MTUS1: variants seen among roughly 807,000 people sequenced by gnomAD.
MTUS1 encodes the protein microtubule associated scaffold protein 1.
Under a neutral mutation model 120.8 loss-of-function variants are expected in MTUS1, and 109 were observed. The ratio of observed to expected loss-of-function variants is 0.90; its 90% CI spans 0.77 to 1.06. The LOEUF (loss-of-function observed/expected upper bound fraction) is 1.06, where lower values mean the gene tolerates loss of function less well. Ranked by LOEUF, MTUS1 falls within the 50% of genes least tolerant of loss-of-function variation. MTUS1 has a pLI of 0.00. For synonymous variants in MTUS1, 737 were observed against 550.5 expected (o/e 1.34, Z -4.74); for missense variants, 2,210 against 1,486.3 (o/e 1.49, Z -8.01).
At chr8:17,664,565 G>A (rs1307806315) in intron 8 of MTUS1, among the ~76,000 whole-genome samples, 1 of 150,290 alleles carries the variant, frequency 6.7e-6, no homozygotes, top group Non-Finnish European at 1.5e-5. Context: ...CTGGGAAACC[G>A]GCCTCCTCCT....
chr8:17,656,464 G>C (rs552096305), intron 8 of MTUS1, among the ~76,000 whole-genome samples: 37 of 151,060 alleles, frequency 2.4e-4, no homozygotes, highest in Non-Finnish European at 4.1e-4. Flanking sequence ...GGAGGCGGAG[G>C]TTGTAGTGAG....
intron 6 of MTUS1, among the ~76,000 whole-genome samples, chr8:17,692,386 A>C (rs145361916): frequency 2.0e-4 from 30 of 152,054 alleles, no homozygotes; most frequent in African/African-American, 7.2e-4. Context: ...AATCATGAGG[A>C]CACGGCTAAG....
chr8:17,662,758 G>A (rs1482135159), intron 8 of MTUS1, among the ~76,000 whole-genome samples: 3 of 151,032 alleles, frequency 2.0e-5, no homozygotes, highest in South Asian at 4.2e-4. Context: ...GGCAACTTTT[G>A]TATACATGTT....
At chr8:17,788,814 C>T (rs1389348164) in intron 1 of MTUS1, among the ~76,000 whole-genome samples, 1 of 152,100 alleles carries the variant, frequency 6.6e-6, no homozygotes. Flanking sequence ...CAGAAAGTAA[C>T]CTTTGTCATG....
At chr8:17,669,863 A>G (rs1037675396) in intron 8 of MTUS1, among the ~76,000 whole-genome samples, 1 of 152,158 alleles carries the variant, frequency 6.6e-6, no homozygotes, top group Non-Finnish European at 1.5e-5. Flanking sequence ...AAAAAAAACA[A>G]AATGTCCAGT....
chr8:17,695,028 G>C (rs1415235779), intron 6 of MTUS1, among the ~76,000 whole-genome samples: 1 of 152,088 alleles, frequency 6.6e-6, no homozygotes, highest in Admixed American at 6.5e-5. Flanking sequence ...ACTGCACTGA[G>C]GCAACCAACA....
intron 3 of MTUS1, among the ~76,000 whole-genome samples, chr8:17,728,813 G>A (rs537642605): frequency 5.8e-4 from 88 of 152,210 alleles, no homozygotes; most frequent in African/African-American, 2.0e-3. Flanking sequence ...GGCTTTTTTA[G>A]CATTTACATC....
chr8:17,728,633 T>C (rs77538869), intron 3 of MTUS1, among the ~76,000 whole-genome samples: 5,409 of 152,202 alleles, frequency 0.036, 182 homozygotes, highest in African/African-American at 0.085. Context: ...TTCTGTAGTT[T>C]ATACAGCTTA....
chr8:17,737,017 A>ATTCT (rs2046981310), intron 3 of MTUS1, among the ~76,000 whole-genome samples: 1 of 152,226 alleles, frequency 6.6e-6, no homozygotes, highest in Admixed American at 6.5e-5. Flanking sequence ...AGCACTTAGA[A>ATTCT]GAGTTCTTAG....
intron 8 of MTUS1, among the ~76,000 whole-genome samples, chr8:17,657,793 C>A (rs1345664708): frequency 9.8e-6 from 1 of 101,984 alleles, no homozygotes. Flanking sequence ...GAGCAAGACC[C>A]TATCTCAAAA....
At chr8:17,706,829 C>G (rs1171565374) in intron 6 of MTUS1, among the ~76,000 whole-genome samples, 3 of 152,128 alleles carry the variant, frequency 2.0e-5, no homozygotes, top group Non-Finnish European at 2.9e-5. Flanking sequence ...AAAGTGATTA[C>G]TATATGTTAA....
rs750620821 is a variant in MTUS1, at chr8:17,743,597, T to C, written c.2287+7A>G. The C allele has an allele frequency of 6.2e-7, 1 of 1,610,404 alleles. No individual in the cohort carries two copies. The highest frequency in any genetic ancestry group is 8.5e-7 in the Non-Finnish European group (1 of 1,178,234). Reference sequence around the variant, plus strand: ...ACTCATAAACTATTGAACTATTTTATTCTTACCAGAACTGGACACACGCCT... The same window carrying C: ...ACTCATAAACTATTGAACTATTTTACTCTTACCAGAACTGGACACACGCCT... On this transcript the variant is annotated splice_region_variant and intron_variant, in intron 3 of 14. Coordinates refer to ENST00000693296, the MANE Select transcript of MTUS1 (RefSeq NM_001363059.2).
chr8:17,657,492 C>T (rs1332378238), intron 8 of MTUS1, among the ~76,000 whole-genome samples: 9 of 149,642 alleles, frequency 6.0e-5, no homozygotes, highest in African/African-American at 9.8e-5. Context: ...GGCGTGAACC[C>T]GGGAGGCGGA....
intron 6 of MTUS1, among the ~76,000 whole-genome samples, chr8:17,709,436 T>G (rs1820827739): frequency 6.6e-6 from 1 of 152,116 alleles, no homozygotes; most frequent in South Asian, 2.1e-4. Flanking sequence ...GTTTTTTATT[T>G]TATTTTTTTA....
In MTUS1 at chr8:17,754,125, C is replaced by T. The variant is rs777170512; in HGVS notation, c.1683G>A (p.Leu561=). Residue 561 remains leucine (L), a synonymous_variant, in exon 2 of 15, where the codon TTG becomes TTA. Transcript: ENST00000693296. The stretch of plus-strand genomic sequence containing the variant: ...GAATTTCTGCTTTTTTGTCTGCATT[C>T]AAGTCAGATCTCGGTGTTCTGCTCA... ...TVLSRTPRSD[L]NADKKAEILI... 2.5e-6 allele frequency: 4 copies of T among 1,613,758 alleles called. No individual in the cohort carries two copies. The highest frequency in any genetic ancestry group is 4.5e-5 in the East Asian group (2 of 44,866).
chr8:17,735,636 A>T (rs886298413), intron 3 of MTUS1, among the ~76,000 whole-genome samples: 4 of 152,212 alleles, frequency 2.6e-5, no homozygotes, highest in Non-Finnish European at 5.9e-5. Flanking sequence ...CTGCAGGCGC[A>T]TTCCAAACAG....
intron 6 of MTUS1, among the ~76,000 whole-genome samples, chr8:17,710,341 T>A (rs1261392361): frequency 6.6e-6 from 1 of 152,244 alleles, no homozygotes; most frequent in African/African-American, 2.4e-5. Context: ...TTTAAGTTTA[T>A]GGAATATTCG....
At position 17,652,067 on chromosome 8, in the gene MTUS1, AGCT is replaced by A. The variant is rs1355751041; in HGVS notation, c.3384+1116_3384+1118del. Among the ~76,000 whole-genome samples, 3 of 152,218 alleles carry A rather than the reference AGCT, an allele frequency of 2.0e-5. No homozygotes were observed. In the East Asian group the frequency reaches 5.8e-4, roughly 29 times the overall value. On this transcript the variant is annotated intron_variant, in intron 12 of 14. Transcript: ENST00000693296. ...AGAGATCCACACATGTACTTTCTAG[AGCT>A]GGCCAGAGATTTGAAGTGGAGAAAA... is the stretch of plus-strand genomic sequence containing the variant.
intron 3 of MTUS1, among the ~76,000 whole-genome samples, chr8:17,731,712 ACAG>A (rs1409298832): frequency 6.6e-6 from 1 of 152,224 alleles, no homozygotes; most frequent in Non-Finnish European, 1.5e-5. Flanking sequence ...AAGGAAATGA[ACAG>A]CAGCAGATCA....
Sources: allele counts gnomAD v4.1 joint callset (sites outside exome capture counted in the v4.1 genomes callset), GRCh38; gene constraint gnomAD v4.1.1; transcripts MANE v1.5; gene names NCBI Gene and HGNC (gene_info 2026-07-23, HGNC 2026-07-21).